The following AUTS2 variants were observed in gnomAD, a reference collection of about 807,000 sequenced individuals.
AUTS2 encodes autism susceptibility gene 2 protein.
Under a neutral mutation model 112.4 loss-of-function variants are expected in AUTS2, and 17 were observed. That is an observed-to-expected ratio of 0.15 (90% CI 0.10 to 0.23). The LOEUF (loss-of-function observed/expected upper bound fraction) is 0.23, where lower values mean the gene tolerates loss of function less well. AUTS2 is among the 10% of genes least tolerant of loss of function. AUTS2 has a pLI of 1.00. For missense variants in AUTS2, 1,510 were observed against 1,701.6 expected (o/e 0.89, Z 1.98); for synonymous variants, 751 against 702.7 (o/e 1.07, Z -1.09).
chr7:69,840,216 G>C (rs1277060341), intron 1 of AUTS2, among the ~76,000 whole-genome samples: 1 of 152,276 alleles, frequency 6.6e-6, no homozygotes, highest in Admixed American at 6.5e-5. Context: ...GAAACATAAA[G>C]AAATCTCTTT....
chr7:69,609,222 T>A (rs907231343), intron 1 of AUTS2, among the ~76,000 whole-genome samples: 2 of 152,190 alleles, frequency 1.3e-5, no homozygotes, highest in Non-Finnish European at 2.9e-5. Context: ...TCCCAAGGAT[T>A]GGGAACCTTG....
In AUTS2 at chr7:70,089,630, T is replaced by C. The variant is rs993796981; in HGVS notation, c.523-28502T>C. ...ATATACTTTCTTGATATGGTTATGTTTATATATTTTATCTTATTTTTTCCT... is the reference window on the plus strand; with the variant it reads ...ATATACTTTCTTGATATGGTTATGTCTATATATTTTATCTTATTTTTTCCT... On this transcript the variant is annotated intron_variant, in intron 2 of 18. Coordinates refer to ENST00000342771, the MANE Select transcript of AUTS2 (RefSeq NM_015570.4). 5.9e-5 allele frequency among the ~76,000 whole-genome samples: 9 copies of C among 152,168 alleles called. 1 individual carries two copies. Among genetic ancestry groups the C allele is most frequent in the African/African-American group, 2.2e-4 (9 of 41,444 alleles).
chr7:69,636,102 G>C, intron 1 of AUTS2, among the ~76,000 whole-genome samples: 1 of 152,096 alleles, frequency 6.6e-6, no homozygotes, highest in South Asian at 2.1e-4. Flanking sequence ...TACCAAGTCT[G>C]GCACTAAAGT....
At chr7:69,977,479 C>T (rs929575031) in intron 2 of AUTS2, among the ~76,000 whole-genome samples, 8 of 152,022 alleles carry the variant, frequency 5.3e-5, no homozygotes. Flanking sequence ...CTAAAATTGC[C>T]ATTGGGATTT....
rs918296021 is a variant in AUTS2 at position 70,547,030 on chromosome 7, C to A, written c.690+111249C>A. On this transcript the variant is annotated intron_variant, in intron 5 of 18. Coordinates refer to ENST00000342771, the MANE Select transcript of AUTS2 (RefSeq NM_015570.4). ...TAATCTACATGCCGTAATATTCACC[C>A]GTACTAAGTGTATAATTCAGTGATT... Among the ~76,000 whole-genome samples the A allele has an allele frequency of 2.0e-5, 3 of 152,162 alleles. No homozygotes were observed. In the East Asian group the frequency reaches 5.8e-4, roughly 29 times the overall value.
At chr7:69,902,690 G>A (rs1481129538) in intron 2 of AUTS2, among the ~76,000 whole-genome samples, 2 of 151,898 alleles carry the variant, frequency 1.3e-5, no homozygotes, top group African/African-American at 4.8e-5. Context: ...TTACTCGGAG[G>A]GTGCAATTAT....
At chr7:70,272,365 G>A (rs1584957180) in intron 4 of AUTS2, among the ~76,000 whole-genome samples, 1 of 152,028 alleles carries the variant, frequency 6.6e-6, no homozygotes, top group Non-Finnish European at 1.5e-5. Context: ...ACCTATTCAT[G>A]CGTTAATCAA....
intron 1 of AUTS2, among the ~76,000 whole-genome samples, chr7:69,788,151 C>A (rs1222087939): frequency 3.3e-5 from 5 of 152,116 alleles, no homozygotes; most frequent in Admixed American, 6.5e-5. Context: ...CCCCACCCCA[C>A]CTCAAGCCCC....
chr7:70,059,551 G>A (rs1200779761), intron 2 of AUTS2, among the ~76,000 whole-genome samples: 1 of 152,138 alleles, frequency 6.6e-6, no homozygotes, highest in Non-Finnish European at 1.5e-5. Flanking sequence ...GCTATTGCAA[G>A]AGTCATATGA....
intron 4 of AUTS2, among the ~76,000 whole-genome samples, chr7:70,325,454 T>C (rs1390776669): frequency 6.6e-6 from 1 of 152,220 alleles, no homozygotes; most frequent in Non-Finnish European, 1.5e-5. Flanking sequence ...TGGGCATATA[T>C]TATGCCTCCC....
Position 70,081,935 on chromosome 7 carries a change from AGTGTGT to A in AUTS2, c.523-36171_523-36166del, listed in dbSNP as rs3049737. Reference sequence around the variant, plus strand: ...AAAAACGGTAGATTTTTCTGTGAAGAGTGTGTGTGTGTGTGTGTGTGTGTGTGTGTG... The same window carrying A: ...AAAAACGGTAGATTTTTCTGTGAAGAGTGTGTGTGTGTGTGTGTGTGTGTG... On this transcript the variant is annotated intron_variant, in intron 2 of 18. Coordinates refer to ENST00000342771, the MANE Select transcript of AUTS2 (RefSeq NM_015570.4). 3.6e-3 allele frequency among the ~76,000 whole-genome samples: 528 copies of A among 146,824 alleles called. 2 individuals carry two copies. Among genetic ancestry groups the A allele is most frequent in the African/African-American group, 8.2e-3 (325 of 39,818 alleles).
intron 5 of AUTS2, among the ~76,000 whole-genome samples, chr7:70,513,865 G>A (rs945182626): frequency 1.3e-5 from 2 of 151,914 alleles, no homozygotes; most frequent in African/African-American, 4.8e-5. Flanking sequence ...TCACCATGTT[G>A]CCCAGGCTGG....
At chr7:70,495,658 A>G (rs866767653) in intron 5 of AUTS2, among the ~76,000 whole-genome samples, 11 of 123,284 alleles carry the variant, frequency 8.9e-5, no homozygotes, top group Admixed American at 1.6e-4. Context: ...TCACATCAGC[A>G]TCGATCACAC....
intron 4 of AUTS2, among the ~76,000 whole-genome samples, chr7:70,235,529 A>G (rs1371191161): frequency 2.6e-5 from 4 of 151,920 alleles, no homozygotes; most frequent in Admixed American, 1.3e-4. Context: ...TTCCTATACT[A>G]CCTTTATTAT....
chr7:70,695,577 C>A (rs974076727), intron 5 of AUTS2, among the ~76,000 whole-genome samples: 1 of 151,638 alleles, frequency 6.6e-6, no homozygotes, highest in Non-Finnish European at 1.5e-5. Flanking sequence ...TGTGCGGGTG[C>A]GGAGGGCGGC....
intron 2 of AUTS2, among the ~76,000 whole-genome samples, chr7:70,047,900 G>A (rs775534500): frequency 2.6e-5 from 4 of 152,066 alleles, no homozygotes; most frequent in African/African-American, 7.2e-5. Flanking sequence ...TTGATACAAC[G>A]CTTGACATAG....
chr7:70,246,146 T>C (rs1812910659), intron 4 of AUTS2, among the ~76,000 whole-genome samples: 1 of 152,148 alleles, frequency 6.6e-6, no homozygotes, highest in South Asian at 2.1e-4. Flanking sequence ...TCCTAAGTTA[T>C]GGTTTATCAG....
chr7:69,681,817 T>C (rs1319239706), intron 1 of AUTS2, among the ~76,000 whole-genome samples: 1 of 152,212 alleles, frequency 6.6e-6, no homozygotes, highest in Non-Finnish European at 1.5e-5. Flanking sequence ...TTCGGTTTTT[T>C]TGTTAAATGT....
chr7:69,735,255 G>A (rs958647936), intron 1 of AUTS2, among the ~76,000 whole-genome samples: 16 of 152,188 alleles, frequency 1.1e-4, no homozygotes, highest in African/African-American at 3.9e-4. Flanking sequence ...ACCTGAGGAG[G>A]CACCATTGTG....
Sources: gnomAD v4.1 joint callset for allele counts (sites outside exome capture counted in the v4.1 genomes callset) on GRCh38, gnomAD v4.1.1 for gene constraint, MANE v1.5 for transcripts, NCBI Gene and HGNC (gene_info 2026-07-23, HGNC 2026-07-21) for gene names.